The following EFCAB6 variants were observed in gnomAD, a reference collection of about 807,000 sequenced individuals.
EFCAB6 encodes EF-hand calcium binding domain 6.
Under a neutral mutation model 169.8 loss-of-function variants are expected in EFCAB6, and 156 were observed. The ratio of observed to expected loss-of-function variants is 0.92; its 90% confidence interval spans 0.81 to 1.05. The LOEUF (loss-of-function observed/expected upper bound fraction) is 1.05. Among genes scored for constraint, EFCAB6 ranks in the 50% least tolerant of loss-of-function variants. EFCAB6 has a pLI of 0.00. For missense variants in EFCAB6, 1,800 were observed against 1,829.1 expected (o/e 0.98, Z 0.29); for synonymous variants, 698 against 676.4 (o/e 1.03, Z -0.50).
chr22:43,630,374 AATTC>A (rs2054849931), intron 19 of EFCAB6, among the ~76,000 whole-genome samples: 2 of 152,232 alleles, frequency 1.3e-5, no homozygotes, highest in Non-Finnish European at 2.9e-5. Flanking sequence ...CTGTTGAATG[AATTC>A]ATTATTTAAA....
chr22:43,613,775 A>G (rs1020075363), intron 21 of EFCAB6, among the ~76,000 whole-genome samples: 9 of 152,322 alleles, frequency 5.9e-5, no homozygotes, highest in Middle Eastern at 3.4e-3. Context: ...AAAGTTAAAG[A>G]AAACTACAAT....
chr22:43,790,862 G>T (rs1188390624), intron 2 of EFCAB6, among the ~76,000 whole-genome samples: 1 of 152,204 alleles, frequency 6.6e-6, no homozygotes. Context: ...TCAGATTCCA[G>T]CCACATTCTG....
At chr22:43,734,293 A>G (rs2060056938) in intron 7 of EFCAB6, among the ~76,000 whole-genome samples, 1 of 152,258 alleles carries the variant, frequency 6.6e-6, no homozygotes, top group Non-Finnish European at 1.5e-5. Flanking sequence ...TTCAATAAGA[A>G]AAGCATTAAA....
At chr22:43,789,685 G>A (rs994744200) in intron 2 of EFCAB6, among the ~76,000 whole-genome samples, 2 of 152,178 alleles carry the variant, frequency 1.3e-5, no homozygotes, top group South Asian at 4.1e-4. Flanking sequence ...CTGTGGCAAT[G>A]AGGAGTTTGG....
intron 22 of EFCAB6, among the ~76,000 whole-genome samples, chr22:43,605,957 C>G (rs1569236007): frequency 6.6e-6 from 1 of 152,054 alleles, no homozygotes; most frequent in Non-Finnish European, 1.5e-5. Flanking sequence ...TGCAAAGTGT[C>G]CTAGGAACTG....
chr22:43,692,740 G>A (rs1330877382), intron 10 of EFCAB6, among the ~76,000 whole-genome samples: 1 of 151,994 alleles, frequency 6.6e-6, no homozygotes, highest in East Asian at 1.9e-4. Context: ...TTAAAAACAT[G>A]TTATATAATA....
intron 3 of EFCAB6, among the ~76,000 whole-genome samples, chr22:43,781,787 T>A (rs2096112359): frequency 1.3e-5 from 2 of 152,162 alleles, no homozygotes; most frequent in Admixed American, 1.3e-4. Flanking sequence ...ATGTTAATTA[T>A]GGGGAAACTG....
At chr22:43,617,232 C>T (rs890466248) in intron 20 of EFCAB6, among the ~76,000 whole-genome samples, 5 of 152,202 alleles carry the variant, frequency 3.3e-5, no homozygotes, top group Non-Finnish European at 5.9e-5. Context: ...CTTAAAAGGA[C>T]TGTAAGTCCT....
intron 8 of EFCAB6, among the ~76,000 whole-genome samples, chr22:43,731,302 T>G (rs1240064476): frequency 6.6e-6 from 1 of 152,224 alleles, no homozygotes; most frequent in Non-Finnish European, 1.5e-5. Context: ...GTTAAGATTT[T>G]TCCCATCATT....
At chr22:43,644,358 T>C (rs1408776954) in intron 17 of EFCAB6, among the ~76,000 whole-genome samples, 2 of 152,074 alleles carry the variant, frequency 1.3e-5, no homozygotes, top group South Asian at 2.1e-4. Context: ...GTAACAGTGG[T>C]TAAGATGAGC....
chr22:43,694,595 T>C (rs1202609866), intron 10 of EFCAB6, among the ~76,000 whole-genome samples: 1 of 152,012 alleles, frequency 6.6e-6, no homozygotes, highest in African/African-American at 2.4e-5. Flanking sequence ...ATATGAAAAG[T>C]ATAATAATGT....
chr22:43,554,718 G>A (rs1370514756), intron 27 of EFCAB6, 151 bp downstream of exon 27: 6 of 667,858 alleles, frequency 9.0e-6, no homozygotes, highest in Non-Finnish European at 7.7e-6. Flanking sequence ...GAAGATTCCT[G>A]TGAATCTTCA....
chr22:43,550,832 C>T (rs971846720), intron 27 of EFCAB6, among the ~76,000 whole-genome samples: 4 of 152,036 alleles, frequency 2.6e-5, no homozygotes, highest in African/African-American at 9.7e-5. Context: ...CCAAGCAGAC[C>T]CAGTTCCGAC....
chr22:43,804,741 G>A (rs2062849475), intron 2 of EFCAB6, among the ~76,000 whole-genome samples: 1 of 143,044 alleles, frequency 7.0e-6, no homozygotes, highest in South Asian at 2.4e-4. Flanking sequence ...TTCAGCCTGG[G>A]CAACAGAGCC....
chr22:43,642,254 T>A (rs2147982396), intron 17 of EFCAB6, among the ~76,000 whole-genome samples: 1 of 152,328 alleles, frequency 6.6e-6, no homozygotes, highest in Admixed American at 6.5e-5. Context: ...ATTGGCTTTT[T>A]AGCCATCCCT....
chr22:43,680,673 A>C (rs2057969134), intron 12 of EFCAB6, among the ~76,000 whole-genome samples: 1 of 152,224 alleles, frequency 6.6e-6, no homozygotes, highest in Non-Finnish European at 1.5e-5. Flanking sequence ...TTCTTTTGAT[A>C]AATTTATTCC....
chr22:43,688,943 T>C (rs2058302083), intron 10 of EFCAB6, among the ~76,000 whole-genome samples: 1 of 152,234 alleles, frequency 6.6e-6, no homozygotes, highest in Admixed American at 6.5e-5. Context: ...ATTCTTTATC[T>C]ACATCTAGGG....
chr22:43,759,413 G>A (rs983393623), intron 5 of EFCAB6: 12 of 152,132 alleles, frequency 7.9e-5, no homozygotes, highest in African/African-American at 2.9e-4. Context: ...TTTTGTACAC[G>A]AACGATTGTA....
chr22:43,560,724 G>A (rs1229654848), intron 26 of EFCAB6, among the ~76,000 whole-genome samples: 4 of 152,230 alleles, frequency 2.6e-5, no homozygotes, highest in Admixed American at 6.5e-5. Flanking sequence ...AAGCATGGAC[G>A]TGAAGGTCCG....
Sources: gnomAD v4.1 joint callset for allele counts (sites outside exome capture counted in the v4.1 genomes callset) on GRCh38, gnomAD v4.1.1 for gene constraint, MANE v1.5 for transcripts, NCBI Gene and HGNC (gene_info 2026-07-23, HGNC 2026-07-21) for gene names.